The following NFASC variants were observed in gnomAD, a reference collection of about 807,000 sequenced individuals.
The protein encoded by NFASC is neurofascin homolog.
A neutral mutation model predicts 147.5 loss-of-function variants in NFASC; 43 were observed. The ratio of observed to expected loss-of-function variants is 0.29; its 90% confidence interval spans 0.23 to 0.38. NFASC has a LOEUF of 0.38. Among genes scored for constraint, NFASC ranks in the 10% least tolerant of loss-of-function variants. NFASC has a pLI of 1.00. For synonymous variants in NFASC, 622 were observed against 665.5 expected (o/e 0.93, Z 1.01); for missense variants, 1,320 against 1,689.0 (o/e 0.78, Z 3.83).
chr1:204,928,679 C>T (rs546956665), intron 2 of NFASC, among the ~76,000 whole-genome samples: 1 of 152,312 alleles, frequency 6.6e-6, no homozygotes, highest in Admixed American at 6.5e-5. Flanking sequence ...AGATTTGTGG[C>T]AGTCCCACAC....
At chr1:204,914,738 G>A (rs1050618066) in intron 1 of NFASC, among the ~76,000 whole-genome samples, 1 of 152,142 alleles carries the variant, frequency 6.6e-6, no homozygotes, top group Non-Finnish European at 1.5e-5. Flanking sequence ...TACATTGCTG[G>A]TGGTAGTATA....
At chr1:204,983,637 C>T (rs1005343947) in intron 21 of NFASC, among the ~76,000 whole-genome samples, 5 of 152,148 alleles carry the variant, frequency 3.3e-5, no homozygotes, top group Non-Finnish European at 5.9e-5. Flanking sequence ...CCTGTTGGCA[C>T]CTGCTATTGG....
intron 1 of NFASC, among the ~76,000 whole-genome samples, chr1:204,908,974 C>G (rs1336859042): frequency 6.6e-6 from 1 of 151,866 alleles, no homozygotes; most frequent in Non-Finnish European, 1.5e-5. Context: ...GTTTGTTTAA[C>G]CATTCACTCA....
At chr1:205,011,080 A>C (rs1402688132) in intron 28 of NFASC, among the ~76,000 whole-genome samples, 1 of 152,074 alleles carries the variant, frequency 6.6e-6, no homozygotes, top group Non-Finnish European at 1.5e-5. Context: ...ATGACCCTGA[A>C]AGCAAAGATC....
At position 204,979,552 on chromosome 1, in the gene NFASC, T is replaced by TGGA; in HGVS notation, c.2171_2173dup (p.Gly724dup). The TGGA allele has an allele frequency of 6.2e-7, 1 of 1,613,602 alleles. No homozygotes were observed. Among genetic ancestry groups the TGGA allele is most frequent in the Non-Finnish European group, 8.5e-7 (1 of 1,179,982 alleles). ...TCCCATCCGAGCGCTACCGAACCAG[T>TGGA]GGAGCACGTGAGTACCCGAGGGCTG... is the stretch of plus-strand genomic sequence containing the variant. On this transcript the variant is annotated inframe_insertion, in exon 19 of 30. Transcript: ENST00000339876. The surrounding 1 kb of genome is among the most constrained non-coding windows in gnomAD (Gnocchi z 6.0).
intron 24 of NFASC, among the ~76,000 whole-genome samples, chr1:204,993,931 C>T (rs1241964313): frequency 1.3e-5 from 2 of 152,244 alleles, no homozygotes; most frequent in African/African-American, 2.4e-5. Context: ...GTCCTCCTCT[C>T]GTTCCCACCT....
intron 15 of NFASC, 93 bp from the exon 16 acceptor site, chr1:204,976,578 C>T (rs1574028861): frequency 1.1e-6 from 1 of 933,996 alleles, no homozygotes; most frequent in East Asian, 2.6e-5. Flanking sequence ...CCTTGCCCTC[C>T]TGACTCGAGA....
chr1:204,976,634 A>G (rs1558331345), intron 15 of NFASC, 37 bp from the exon 16 acceptor site: 1 of 1,521,554 alleles, frequency 6.6e-7, no homozygotes. Flanking sequence ...GCACTCCCCT[A>G]CCCCCTCCTC....
At chr1:204,916,046 C>G (rs2089180217) in intron 1 of NFASC, among the ~76,000 whole-genome samples, 1 of 152,218 alleles carries the variant, frequency 6.6e-6, no homozygotes, top group Non-Finnish European at 1.5e-5. Flanking sequence ...CACACCTACT[C>G]TCCTTGCTTC....
chr1:204,954,186 A>G lies in NFASC; in HGVS notation c.216-2A>G, dbSNP rs1341695910. The G allele has an allele frequency of 6.2e-7, 1 of 1,613,986 alleles. No individual in the cohort carries two copies. The highest frequency in any genetic ancestry group is 2.2e-5 in the East Asian group (1 of 44,890). On this transcript the variant is annotated splice_acceptor_variant, in intron 5 of 29. Coordinates refer to ENST00000339876, the MANE Select transcript of NFASC (RefSeq NM_001005388.3). LOFTEE classifies it high-confidence loss of function. The surrounding 1 kb of genome is among the most constrained non-coding windows in gnomAD (Gnocchi z 5.7). The stretch of plus-strand genomic sequence containing the variant: ...GTTGCCACTGCTCCCCACTCTCCAC[A>G]GCTTCCACTGGACACGAAACAGCAG...
Position 204,948,305 on chromosome 1 carries a change from G to C in NFASC, c.92-2252G>C, listed in dbSNP as rs190290299. Among the ~76,000 whole-genome samples the C allele has an allele frequency of 8.7e-4, 133 of 152,354 alleles. 1 individual carries two copies. The highest frequency in any genetic ancestry group is 1.3e-4 in the Non-Finnish European group (9 of 68,034). On this transcript the variant is annotated intron_variant, in intron 3 of 29. Transcript: ENST00000339876. ...TCCCCACTGTCTTCTCCCTGTGGCA[G>C]CTTGTCTTCTGGGTTGGTTCTGTCC...
intron 1 of NFASC, among the ~76,000 whole-genome samples, chr1:204,843,968 T>C (rs1676239035): frequency 6.6e-6 from 1 of 152,066 alleles, no homozygotes; most frequent in Admixed American, 6.6e-5. Flanking sequence ...GAACTCCTGA[T>C]CTCAGGTGAT....
intron 2 of NFASC, among the ~76,000 whole-genome samples, chr1:204,926,394 ATATATATATATATTTTTTTTTTT>A (rs1404146563): frequency 2.4e-4 from 4 of 16,798 alleles, no homozygotes; most frequent in African/African-American, 4.6e-4. Flanking sequence ...ATATATATAT[ATATATATATATATTTTTTTTTTT>A]TTTTTTTTTT....
chr1:204,926,311 T>G (rs1195682449), intron 2 of NFASC, among the ~76,000 whole-genome samples: 1 of 149,658 alleles, frequency 6.7e-6, no homozygotes, highest in Non-Finnish European at 1.5e-5. Flanking sequence ...TTATCCATTT[T>G]CCTTTTCAAA....
At chr1:204,932,203 A>G (rs2092422526) in intron 2 of NFASC, among the ~76,000 whole-genome samples, 1 of 152,224 alleles carries the variant, frequency 6.6e-6, no homozygotes, top group African/African-American at 2.4e-5. Context: ...TGAGTTTGTC[A>G]GGAAGGAATG....
intron 1 of NFASC, among the ~76,000 whole-genome samples, chr1:204,878,926 G>T (rs2079563707): frequency 6.6e-6 from 1 of 152,198 alleles, no homozygotes; most frequent in African/African-American, 2.4e-5. Flanking sequence ...GGCCAGAACT[G>T]GTGGGGTGGG....
rs774782580 is a variant in NFASC at position 204,981,983 on chromosome 1, T to A, written c.2433T>A (p.Pro811=). The A allele has an allele frequency of 6.3e-7, 1 of 1,598,952 alleles. No individual in the cohort carries two copies. The highest frequency in any genetic ancestry group is 2.3e-5 in the East Asian group (1 of 43,764). ...VQAENDFGKG[P]EPESVIGYSG... ...CTGAAAATGACTTCGGGAAGGGCCCTGAGCCAGAGTCCGTCATCGGTTACT... is the reference window on the plus strand; with the variant it reads ...CTGAAAATGACTTCGGGAAGGGCCCAGAGCCAGAGTCCGTCATCGGTTACT... The change falls in exon 21 of 30, where the codon CCT becomes CCA. Residue 811 remains proline, a synonymous_variant. Transcript: ENST00000339876.
At chr1:204,943,991 T>C (rs2093547052) in intron 2 of NFASC, among the ~76,000 whole-genome samples, 1 of 152,212 alleles carries the variant, frequency 6.6e-6, no homozygotes, top group Non-Finnish European at 1.5e-5. Flanking sequence ...TACTGGCTTC[T>C]ATCGGGTAGA....
chr1:204,915,604 G>A (rs958619675), intron 1 of NFASC, among the ~76,000 whole-genome samples: 6 of 152,150 alleles, frequency 3.9e-5, no homozygotes, highest in Non-Finnish European at 5.9e-5. Context: ...TTCATATCAC[G>A]TGAAGGGATT....
Sources: gnomAD v4.1 joint callset for allele counts (sites outside exome capture counted in the v4.1 genomes callset) on GRCh38, gnomAD v4.1.1 for gene constraint, Gnocchi (gnomAD v3.1) non-coding constraint, MANE v1.5 for transcripts, NCBI Gene and HGNC (gene_info 2026-07-23, HGNC 2026-07-21) for gene names.